CACNA2D4: variants seen among roughly 807,000 people sequenced by gnomAD.
CACNA2D4 encodes the protein calcium voltage-gated channel auxiliary subunit alpha2delta 4, also known as voltage-dependent calcium channel subunit alpha-2/delta-4.
In CACNA2D4, 157 loss-of-function variants were observed where a neutral mutation model predicts 163.8. That is an observed-to-expected ratio of 0.96 (90% CI 0.84 to 1.09). CACNA2D4 has a LOEUF of 1.09. Ranked by LOEUF, CACNA2D4 falls within the 50% of genes least tolerant of loss-of-function variation. The pLI, the probability that CACNA2D4 is intolerant of heterozygous loss-of-function variation, is 0.00. For missense variants in CACNA2D4, 1,410 were observed against 1,479.9 expected, an observed-to-expected ratio of 0.95 and a Z score of 0.78; for synonymous variants, 598 against 586.9, an observed-to-expected ratio of 1.02 and a Z score of -0.27.
intron 6 of CACNA2D4, among the ~76,000 whole-genome samples, chr12:1,890,209 T>C (rs769388621): frequency 6.6e-6 from 1 of 152,084 alleles, no homozygotes; most frequent in Non-Finnish European, 1.5e-5. Context: ...AGGGCATTGC[T>C]CCAGAGAGGG....
chr12:1,895,606 G>A (rs1360008075), intron 6 of CACNA2D4, among the ~76,000 whole-genome samples: 2 of 152,016 alleles, frequency 1.3e-5, no homozygotes, highest in Non-Finnish European at 2.9e-5. Context: ...TTTAGAGCCA[G>A]CTAATTTTCT....
At chr12:1,881,722 GC>G (rs1389943852) in intron 13 of CACNA2D4, among the ~76,000 whole-genome samples, 5 of 152,248 alleles carry the variant, frequency 3.3e-5, no homozygotes, top group African/African-American at 4.8e-5. Context: ...GGAGAGCCCT[GC>G]CCAAAGGCAG....
At chr12:1,827,345 T>A (rs1864382896) in intron 26 of CACNA2D4, 1 of 152,866 alleles carries the variant, frequency 6.5e-6, no homozygotes, top group Non-Finnish European at 1.5e-5. Context: ...TCCTGCGCCC[T>A]GGCTGCCTCA....
rs533244153 is a variant in CACNA2D4 at position 1,882,471 on chromosome 12, G to A, written c.1485+396C>T. Among the ~76,000 whole-genome samples the A allele has an allele frequency of 4.2e-5, 6 of 143,928 alleles. No homozygotes were observed. In the East Asian group the frequency reaches 1.3e-3, roughly 31 times the overall value. 94.4% of individuals were successfully genotyped at this position (143,928 alleles called of 152,430 possible). A position where few individuals can be genotyped will look rare whatever the true frequency, so the allele number is the denominator to read the frequency against. ...GTCCTTTGAAAATGCAGGGACCCAGGAAGGGAGAACGTGTTCCAGCTGTGG... is the reference window on the plus strand; with the variant it reads ...GTCCTTTGAAAATGCAGGGACCCAGAAAGGGAGAACGTGTTCCAGCTGTGG... On this transcript the variant is annotated intron_variant, in intron 13 of 37. Transcript: ENST00000382722.
At chr12:1,881,128 G>A (rs1448791614) in intron 13 of CACNA2D4, among the ~76,000 whole-genome samples, 14 of 152,350 alleles carry the variant, frequency 9.2e-5, no homozygotes, top group African/African-American at 3.4e-4. Flanking sequence ...GTCAGGGACA[G>A]GAGAGGGAAG....
intron 18 of CACNA2D4, among the ~76,000 whole-genome samples, chr12:1,861,655 A>G (rs1865527537): frequency 6.6e-6 from 1 of 151,872 alleles, no homozygotes; most frequent in South Asian, 2.1e-4. Context: ...GTTGGCCAGG[A>G]TGATCTCAAA....
At chr12:1,896,803 T>G (rs1324252598) in intron 6 of CACNA2D4, among the ~76,000 whole-genome samples, 1 of 152,194 alleles carries the variant, frequency 6.6e-6, no homozygotes, top group Non-Finnish European at 1.5e-5. Context: ...ACCTAGAATT[T>G]ATCCAAAGGG....
At position 1,799,047 on chromosome 12, in the gene CACNA2D4, C is replaced by T. The variant is rs1384853420; in HGVS notation, c.2995+628G>A. 6.6e-6 allele frequency among the ~76,000 whole-genome samples: 1 copy of T among 152,178 alleles called. No individual in the cohort carries two copies. Among genetic ancestry groups the T allele is most frequent in the Non-Finnish European group, 1.5e-5 (1 of 68,040 alleles). ...CCCAGGTGGTGGGAAGTTCTGGAAC[C>T]CCATGGCAAAGGTTCTAGGAACACG... On this transcript the variant is annotated intron_variant, in intron 34 of 37. Coordinates refer to ENST00000382722, the MANE Select transcript of CACNA2D4 (RefSeq NM_172364.5). The surrounding 1 kb of genome is among the most constrained non-coding windows in gnomAD (Gnocchi z 4.7).
At chr12:1,801,419 G>GAGCC (rs1863323427) in intron 30 of CACNA2D4, among the ~76,000 whole-genome samples, 155 bp downstream of exon 30, 7 of 152,216 alleles carry the variant, frequency 4.6e-5, no homozygotes, top group Admixed American at 4.6e-4. Context: ...ACATCATGCT[G>GAGCC]ACGCCCTGGC....
rs1262160769 is a variant in CACNA2D4 at position 1,793,523 on chromosome 12, A to G, written c.*132T>C. The G allele has an allele frequency of 1.1e-5, 8 of 760,192 alleles. No homozygotes were observed. The East Asian group carries it at 2.1e-4, about 20-fold the overall frequency. The allele number at this position is 760,192 out of a possible 1,614,324, so 47.1% of individuals were successfully genotyped here. A position where few individuals can be genotyped will look rare whatever the true frequency, so the allele number is the denominator to read the frequency against. On this transcript the variant is annotated 3_prime_UTR_variant, in exon 38 of 38. Coordinates refer to ENST00000382722, the MANE Select transcript of CACNA2D4 (RefSeq NM_172364.5). ...GCATTCTCCGGAGCCAGGGGCCACCAGCCCAGGATTGAGAGGAGCGTTGGC... is the reference window on the plus strand; with the variant it reads ...GCATTCTCCGGAGCCAGGGGCCACCGGCCCAGGATTGAGAGGAGCGTTGGC...
At chr12:1,911,076 T>C (rs1417496533) in intron 3 of CACNA2D4, among the ~76,000 whole-genome samples, 2 of 143,974 alleles carry the variant, frequency 1.4e-5, no homozygotes, top group African/African-American at 5.2e-5. Context: ...CAGGCTGGAG[T>C]GTGGTGGTGC....
At chr12:1,822,700 AC>A (rs541908764) in intron 26 of CACNA2D4, among the ~76,000 whole-genome samples, 70 of 152,354 alleles carry the variant, frequency 4.6e-4, no homozygotes, top group African/African-American at 1.7e-3. Context: ...TGTTCCAAGT[AC>A]AAATATAGAG....
intron 18 of CACNA2D4, among the ~76,000 whole-genome samples, chr12:1,862,633 G>C (rs1459810954): frequency 1.3e-5 from 2 of 152,074 alleles, no homozygotes; most frequent in African/African-American, 2.4e-5. Flanking sequence ...GGCTGGTCTT[G>C]AACTCCTGGC....
At position 1,913,026 on chromosome 12, in the gene CACNA2D4, G is replaced by A. The variant is rs1156968679; in HGVS notation, c.423C>T (p.Val141=). 2 of 1,607,986 alleles carry A rather than the reference G, an allele frequency of 1.2e-6. No homozygotes were observed. The highest frequency in any genetic ancestry group is 1.7e-6 in the Non-Finnish European group (2 of 1,174,674). Residue 141 remains valine, a synonymous_variant, in exon 3 of 38, where the codon GTC becomes GTT. Coordinates refer to ENST00000382722, the MANE Select transcript of CACNA2D4 (RefSeq NM_172364.5). ...GCAGATCACAGGCCTGGAGTACCTG[G>A]ACCGCCTCGACTTTCCTCCGCAGCA... is the stretch of plus-strand genomic sequence containing the variant. ...ENMLRRKVEA[V]QNLVEAAEEA... is the part of the protein sequence containing the mutation.
rs374378270 is a variant in CACNA2D4 at position 1,885,086 on chromosome 12, G to A, written c.1069-10C>T. 1.1e-5 allele frequency: 18 copies of A among 1,611,308 alleles called. No homozygotes were observed. In the African/African-American group the frequency reaches 2.0e-4, roughly 18 times the overall value. Reference sequence around the variant, plus strand: ...CCAGCAGTTTGAAATGCTGCCATGGGTGAGATATTAGAGAAGCATCAGGGG... The same window carrying A: ...CCAGCAGTTTGAAATGCTGCCATGGATGAGATATTAGAGAAGCATCAGGGG... On this transcript the variant is annotated splice_polypyrimidine_tract_variant and intron_variant, in intron 9 of 37. Coordinates refer to ENST00000382722, the MANE Select transcript of CACNA2D4 (RefSeq NM_172364.5).
At chr12:1,885,345 G>T (rs1446451904) in intron 9 of CACNA2D4, among the ~76,000 whole-genome samples, 2 of 152,266 alleles carry the variant, frequency 1.3e-5, no homozygotes, top group East Asian at 3.9e-4. Context: ...GAGTACAGGG[G>T]GAGGACAGTT....
Position 1,840,785 on chromosome 12 carries a change from G to C in CACNA2D4, c.2505C>G (p.Ser835Arg). Residue 835 changes from serine to arginine, a missense_variant, in exon 26 of 38, where the codon AGC becomes AGG. Physicochemically the swap from Ser to Arg is moderately radical, Grantham distance 110. Transcript: ENST00000382722. ...SAGEPMVVTA[S>R]TAVAVTVDKR... is the part of the protein sequence containing the mutation. ...TGTCCACGGTCACCGCCACAGCTGT[G>C]CTTGCCGTCACCACCATGGGTTCAC... is the stretch of plus-strand genomic sequence containing the variant. 1 of 1,613,934 alleles carries C rather than the reference G, an allele frequency of 6.2e-7. No individual in the cohort carries two copies. Among genetic ancestry groups the C allele is most frequent in the Non-Finnish European group, 8.5e-7 (1 of 1,179,890 alleles).
chr12:1,823,827 T>C (rs934409549), intron 26 of CACNA2D4, among the ~76,000 whole-genome samples: 1 of 152,168 alleles, frequency 6.6e-6, no homozygotes, highest in Non-Finnish European at 1.5e-5. Flanking sequence ...GATCAGGCAA[T>C]GCCGTGGACA....
At chr12:1,914,330 A>G (rs1284015833) in intron 2 of CACNA2D4, among the ~76,000 whole-genome samples, 2 of 152,198 alleles carry the variant, frequency 1.3e-5, no homozygotes, top group Non-Finnish European at 2.9e-5. Flanking sequence ...CCTGGTAAGA[A>G]GACCAGCCAG....
Sources: gnomAD v4.1 joint callset for allele counts (sites outside exome capture counted in the v4.1 genomes callset) on GRCh38, gnomAD v4.1.1 for gene constraint, Gnocchi (gnomAD v3.1) non-coding constraint, MANE v1.5 for transcripts, NCBI Gene and HGNC (gene_info 2026-07-23, HGNC 2026-07-21) for gene names.